Variants in RAB3B observed in about 807,000 individuals in gnomAD.
The protein encoded by RAB3B is RAB3B, member RAS oncogene family.
In RAB3B, 11 loss-of-function variants were observed where a neutral mutation model predicts 20.5. The observed-to-expected ratio is 0.54, with a 90% CI of 0.34 to 0.89. The LOEUF (loss-of-function observed/expected upper bound fraction) is 0.89. Among genes scored for constraint, RAB3B ranks in the 40% least tolerant of loss-of-function variants. The pLI is 0.02. For missense variants in RAB3B, 225 were observed against 280.9 expected (o/e 0.80, Z 1.42); for synonymous variants, 99 against 106.3 (o/e 0.93, Z 0.42).
Position 51,977,135 on chromosome 1 carries a change from A to C in RAB3B, c.1-18T>G. 6.2e-7 allele frequency: 1 copy of C among 1,604,284 alleles called. No individual in the cohort carries two copies. On this transcript the variant is annotated intron_variant, in intron 1 of 4. Transcript: ENST00000371655. ...GAAGCCATCTGCAAGAGAGACCTAG[A>C]GTCACTCAGGAACAGACCTTCGGTG...
intron 2 of RAB3B, among the ~76,000 whole-genome samples, chr1:51,970,473 C>T (rs1684913385): frequency 1.3e-5 from 2 of 152,104 alleles, no homozygotes; most frequent in African/African-American, 4.8e-5. Flanking sequence ...TCTCAGGGAC[C>T]TTTGTGGTGA....
chr1:51,987,310 G>A lies in RAB3B; in HGVS notation c.-1+3242C>T, dbSNP rs7524468. 6.0e-3 allele frequency among the ~76,000 whole-genome samples: 920 copies of A among 152,256 alleles called. 11 individuals carry two copies. The highest frequency in any genetic ancestry group is 0.021 in the African/African-American group (881 of 41,534). On this transcript the variant is annotated intron_variant, in intron 1 of 4. Coordinates refer to ENST00000371655, the MANE Select transcript of RAB3B (RefSeq NM_002867.4). The stretch of plus-strand genomic sequence containing the variant: ...CATGAGACTGAGTCCAAGAGACCTG[G>A]CATTTGAAAGATAAGCCCTGGCTCT...
chr1:51,967,936 G>C (rs1684879299), intron 2 of RAB3B, among the ~76,000 whole-genome samples: 1 of 152,090 alleles, frequency 6.6e-6, no homozygotes, highest in African/African-American at 2.4e-5. Flanking sequence ...TTGCAAATGG[G>C]ATTAAATTAA....
rs772898277 is a variant in RAB3B, at chr1:51,933,404, T to A, written c.386A>T (p.Gln129Leu). 6.2e-7 allele frequency: 1 copy of A among 1,613,480 alleles called. No individual in the cohort carries two copies. Among genetic ancestry groups the A allele is most frequent in the African/African-American group, 1.3e-5 (1 of 74,872 alleles). ...QIKTYSWDNA[Q>L]VILVGNKCDM... The stretch of plus-strand genomic sequence containing the variant: ...ACACTTGTTCCCCACCAGAATAACT[T>A]GTGCATTGTCCCAGGAGTAGGTCTT... Residue 129 changes from glutamine (Q) to leucine (L), a missense_variant, in exon 4 of 5, where the codon CAA (glutamine) becomes CTA (leucine). Gln to Leu is a moderately radical substitution (Grantham distance 113, BLOSUM62 -2). Transcript: ENST00000371655.
chr1:51,947,808 G>C (rs1684585372), intron 2 of RAB3B, among the ~76,000 whole-genome samples: 1 of 151,950 alleles, frequency 6.6e-6, no homozygotes. Flanking sequence ...GGAAACCTTA[G>C]AAGTCATTCA....
chr1:51,984,826 A>T (rs749637455), intron 1 of RAB3B, among the ~76,000 whole-genome samples: 4 of 152,212 alleles, frequency 2.6e-5, no homozygotes, highest in Non-Finnish European at 5.9e-5. Context: ...CATATCCTTT[A>T]TCTTCTTTTA....
intron 2 of RAB3B, among the ~76,000 whole-genome samples, chr1:51,955,415 A>G (rs912338255): frequency 2.0e-5 from 3 of 151,878 alleles, no homozygotes; most frequent in African/African-American, 7.3e-5. Context: ...TTTCTTAGAC[A>G]GAGTCTCCCT....
chr1:51,960,985 AC>A (rs2124289382), intron 2 of RAB3B, among the ~76,000 whole-genome samples: 1 of 152,312 alleles, frequency 6.6e-6, no homozygotes, highest in South Asian at 2.1e-4. Context: ...CTTTACTACA[AC>A]ACTAAGAAGT....
chr1:51,944,428 G>C (rs894871167), intron 2 of RAB3B, among the ~76,000 whole-genome samples: 2 of 152,172 alleles, frequency 1.3e-5, no homozygotes, highest in Non-Finnish European at 2.9e-5. Flanking sequence ...ATGGATCAAG[G>C]AGTAATTTTG....
chr1:51,963,104 T>A (rs963003865), intron 2 of RAB3B, among the ~76,000 whole-genome samples: 1 of 152,226 alleles, frequency 6.6e-6, no homozygotes, highest in African/African-American at 2.4e-5. Flanking sequence ...CTCATTTCCT[T>A]GAATGCTTCT....
intron 1 of RAB3B, among the ~76,000 whole-genome samples, chr1:51,989,224 G>T (rs1044663714): frequency 1.3e-4 from 19 of 148,502 alleles, no homozygotes; most frequent in Admixed American, 6.7e-4. Context: ...GTGTGTGTGT[G>T]TGTGTGTGTG....
At chr1:51,958,696 C>G (rs1684744632) in intron 2 of RAB3B, among the ~76,000 whole-genome samples, 1 of 150,032 alleles carries the variant, frequency 6.7e-6, no homozygotes, top group Admixed American at 6.7e-5. Flanking sequence ...GCACTCCAGC[C>G]TGGGCGACAA....
chr1:51,970,626 G>C (rs576868518), intron 2 of RAB3B, among the ~76,000 whole-genome samples: 1 of 152,062 alleles, frequency 6.6e-6, no homozygotes, highest in South Asian at 2.1e-4. Flanking sequence ...AAATAGGCTG[G>C]AGGAATTTAA....
chr1:51,967,894 G>A (rs1325594234), intron 2 of RAB3B, among the ~76,000 whole-genome samples: 1 of 152,066 alleles, frequency 6.6e-6, no homozygotes, highest in Non-Finnish European at 1.5e-5. Context: ...TAAAATCTGT[G>A]AATATGTTAC....
chr1:51,936,817 T>C (rs893577305), intron 3 of RAB3B, among the ~76,000 whole-genome samples: 14 of 151,648 alleles, frequency 9.2e-5, no homozygotes, highest in African/African-American at 3.4e-4. Context: ...TTCTTTTCTT[T>C]CTTTTTTTTT....
chr1:51,986,244 G>A (rs1013806723), intron 1 of RAB3B, among the ~76,000 whole-genome samples: 4 of 151,324 alleles, frequency 2.6e-5, no homozygotes, highest in African/African-American at 9.7e-5. Context: ...TCCGCCTCCC[G>A]GGTTCACGCC....
intron 1 of RAB3B, among the ~76,000 whole-genome samples, chr1:51,989,959 C>T (rs1410194620): frequency 6.7e-6 from 1 of 149,228 alleles, no homozygotes; most frequent in Non-Finnish European, 1.5e-5. Context: ...TATCCATACC[C>T]ACATCCCCAC....
At position 51,910,064 on chromosome 1, in the gene RAB3B, C is replaced by G. The variant is rs909916604; in HGVS notation, c.*9863G>C. 1 of 152,124 alleles carries G rather than the reference C, an allele frequency of 6.6e-6. No homozygotes were observed. The highest frequency in any genetic ancestry group is 6.6e-5 in the Admixed American group (1 of 15,256). The allele number at this position is 152,124 out of a possible 1,614,324, so 9.4% of individuals were successfully genotyped here. Reference sequence around the variant, plus strand: ...AAGTAACTGAGGCTCACTGAGGCTCCGGGAGTCATCTTCCCGAAGTCACAA... The same window carrying G: ...AAGTAACTGAGGCTCACTGAGGCTCGGGGAGTCATCTTCCCGAAGTCACAA... On this transcript the variant is annotated 3_prime_UTR_variant, in exon 5 of 5. Coordinates refer to ENST00000371655, the MANE Select transcript of RAB3B (RefSeq NM_002867.4).
At chr1:51,967,705 G>A (rs548022935) in intron 2 of RAB3B, among the ~76,000 whole-genome samples, 10 of 150,792 alleles carry the variant, frequency 6.6e-5, no homozygotes, top group Non-Finnish European at 1.0e-4. Flanking sequence ...TAAATTTTTT[G>A]TAGAGACAAG....
Sources: allele counts gnomAD v4.1 joint callset (sites outside exome capture counted in the v4.1 genomes callset), GRCh38; gene constraint gnomAD v4.1.1; transcripts MANE v1.5; gene names NCBI Gene and HGNC (gene_info 2026-07-23, HGNC 2026-07-21).